The following EYA2 variants were observed in gnomAD, a reference collection of about 807,000 sequenced individuals.
EYA2 encodes the protein EYA transcriptional coactivator and phosphatase 2.
A neutral mutation model predicts 69.2 loss-of-function variants in EYA2; 31 were observed. The ratio of observed to expected loss-of-function variants is 0.45; its 90% confidence interval spans 0.34 to 0.60. The LOEUF is 0.60. Among genes scored for constraint, EYA2 ranks in the 20% least tolerant of loss-of-function variants. The pLI, the probability that EYA2 is intolerant of heterozygous loss-of-function variation, is 0.02. For synonymous variants in EYA2, 257 were observed against 279.4 expected, an observed-to-expected ratio of 0.92 and a Z score of 0.80; for missense variants, 622 against 701.2, an observed-to-expected ratio of 0.89 and a Z score of 1.28.
At chr20:47,098,717 A>C (rs77996866) in intron 9 of EYA2, among the ~76,000 whole-genome samples, 2,993 of 152,162 alleles carry the variant, frequency 0.02, 113 homozygotes, top group African/African-American at 0.068. Context: ...TCGGCTTCCT[A>C]TCTGGTCTCC....
intron 10 of EYA2, among the ~76,000 whole-genome samples, chr20:47,158,225 T>G (rs559530685): frequency 1.3e-5 from 2 of 152,088 alleles, no homozygotes; most frequent in South Asian, 2.1e-4. Flanking sequence ...TAAAAAACAC[T>G]GAAGACTGTC....
Position 47,180,988 on chromosome 20 carries a change from G to A in EYA2, c.1435+52G>A, listed in dbSNP as rs573455156. 209 of 1,590,354 alleles carry A rather than the reference G, an allele frequency of 1.3e-4. No individual in the cohort carries two copies. In the South Asian group the frequency reaches 1.9e-3, roughly 14 times the overall value. On this transcript the variant is annotated intron_variant, in intron 14 of 15. Transcript: ENST00000327619. ...GATACAGGGTTGGAGGGTGGGGTTA[G>A]CTTTCCATCCTGGGAATGGGGTGTT...
intron 9 of EYA2, among the ~76,000 whole-genome samples, chr20:47,109,253 C>G (rs2032681548): frequency 6.6e-6 from 1 of 152,166 alleles, no homozygotes; most frequent in Admixed American, 6.5e-5. Context: ...ACACCAAGCA[C>G]TCACTATCAA....
At chr20:47,060,006 T>C (rs570551656) in intron 5 of EYA2, among the ~76,000 whole-genome samples, 103 of 152,224 alleles carry the variant, frequency 6.8e-4, no homozygotes, top group Admixed American at 2.2e-3. Flanking sequence ...GTTTTTGGTT[T>C]TATTTTTTGG....
At chr20:47,156,483 AGGAAAGACCATGCC>A (rs2033955857) in intron 10 of EYA2, among the ~76,000 whole-genome samples, 1 of 151,790 alleles carries the variant, frequency 6.6e-6, no homozygotes, top group Non-Finnish European at 1.5e-5. Context: ...CCAGGGCTTT[AGGAAAGACCATGCC>A]GGAGAGACTC....
chr20:46,930,427 G>A (rs1049344123), intron 1 of EYA2, among the ~76,000 whole-genome samples: 2 of 152,112 alleles, frequency 1.3e-5, no homozygotes, highest in Admixed American at 1.3e-4. Context: ...GTGCAGACAG[G>A]GTGAATTTCA....
rs1196665935 is a variant in EYA2 at position 46,941,032 on chromosome 20, A to ATCTTTCC, written c.-11+46045_-11+46046insTCTTTCC. ...ATGAAATCAACAGTGGGAAAGGTGC[A>ATCTTTCC]AGAGGCCCCATCTTCCCAGAGCCCG... is the stretch of plus-strand genomic sequence containing the variant. On this transcript the variant is annotated intron_variant, in intron 1 of 15. Transcript: ENST00000327619. Among the ~76,000 whole-genome samples the ATCTTTCC allele has an allele frequency of 2.0e-5, 3 of 152,342 alleles. No homozygotes were observed. In the East Asian group the frequency reaches 5.8e-4, roughly 29 times the overall value.
At chr20:47,091,375 G>A (rs985124907) in intron 8 of EYA2, among the ~76,000 whole-genome samples, 2 of 152,070 alleles carry the variant, frequency 1.3e-5, no homozygotes, top group Non-Finnish European at 2.9e-5. Flanking sequence ...CTATACAATG[G>A]GTATGGAAAT....
chr20:47,133,463 G>T (rs1248151358), intron 9 of EYA2, among the ~76,000 whole-genome samples: 1 of 152,174 alleles, frequency 6.6e-6, no homozygotes, highest in African/African-American at 2.4e-5. Context: ...GAGAGATTGG[G>T]TATCTCCACA....
chr20:47,104,078 A>G (rs113732594), intron 9 of EYA2, among the ~76,000 whole-genome samples: 115 of 152,248 alleles, frequency 7.6e-4, no homozygotes, highest in African/African-American at 2.3e-3. Context: ...AATGGCTCCA[A>G]TTTCTCCACA....
chr20:47,058,022 T>C (rs543502571), intron 5 of EYA2, among the ~76,000 whole-genome samples: 201 of 152,374 alleles, frequency 1.3e-3, no homozygotes, highest in Non-Finnish European at 2.6e-3. Context: ...GAGGCTATTA[T>C]TACTAGTTCA....
At chr20:47,133,187 C>T (rs1337841585) in intron 9 of EYA2, among the ~76,000 whole-genome samples, 2 of 83,328 alleles carry the variant, frequency 2.4e-5, no homozygotes, top group East Asian at 1.0e-3. Flanking sequence ...CAGGAAGGCT[C>T]TGCCTGTAGG....
At chr20:47,034,021 T>C (rs1984560638) in intron 5 of EYA2, among the ~76,000 whole-genome samples, 1 of 152,230 alleles carries the variant, frequency 6.6e-6, no homozygotes. Context: ...GCCCTTCTGA[T>C]TCAGTGATAA....
chr20:47,087,957 T>C (rs1039627907), intron 7 of EYA2, among the ~76,000 whole-genome samples: 2 of 152,242 alleles, frequency 1.3e-5, no homozygotes, highest in Non-Finnish European at 2.9e-5. Context: ...CGGGGCACAG[T>C]GGCTCACGCC....
At chr20:47,018,545 G>T (rs1229184199) in intron 5 of EYA2, among the ~76,000 whole-genome samples, 1 of 152,208 alleles carries the variant, frequency 6.6e-6, no homozygotes, top group African/African-American at 2.4e-5. Context: ...TTCAGCAGGT[G>T]GTCAGGGGCC....
chr20:47,104,330 G>C (rs1195964613), intron 9 of EYA2, among the ~76,000 whole-genome samples: 1 of 152,126 alleles, frequency 6.6e-6, no homozygotes, highest in Admixed American at 6.6e-5. Context: ...CTGGATACCA[G>C]TCTATTATCA....
chr20:46,914,960 C>T (rs747117677), intron 1 of EYA2, among the ~76,000 whole-genome samples: 3 of 152,164 alleles, frequency 2.0e-5, no homozygotes, highest in African/African-American at 4.8e-5. Context: ...GACAGGGGGC[C>T]GTGCGTGGGA....
At chr20:46,973,216 A>G (rs1980244542) in intron 1 of EYA2, among the ~76,000 whole-genome samples, 1 of 152,238 alleles carries the variant, frequency 6.6e-6, no homozygotes. Context: ...GGGAAATACA[A>G]TGAAAAGAGA....
intron 9 of EYA2, among the ~76,000 whole-genome samples, chr20:47,099,896 T>C (rs2032374846): frequency 6.6e-6 from 1 of 152,182 alleles, no homozygotes; most frequent in African/African-American, 2.4e-5. Context: ...TTTTTTTTAT[T>C]TCCCCAACCA....
Sources: allele counts gnomAD v4.1 joint callset (sites outside exome capture counted in the v4.1 genomes callset), GRCh38; gene constraint gnomAD v4.1.1; transcripts MANE v1.5; gene names NCBI Gene and HGNC (gene_info 2026-07-23, HGNC 2026-07-21).